The following TMEM131 variants were observed in gnomAD, a reference collection of about 807,000 sequenced individuals.
The protein encoded by TMEM131 is transmembrane protein 131.
TMEM131 carries 66 observed loss-of-function variants against 211.6 expected under a neutral mutation model. The ratio of observed to expected loss-of-function variants is 0.31; its 90% confidence interval spans 0.26 to 0.38. The LOEUF (loss-of-function observed/expected upper bound fraction) is 0.38. Ranked by LOEUF, TMEM131 falls within the 10% of genes least tolerant of loss-of-function variation. The probability of loss-of-function intolerance (pLI) is 1.00; values close to 1 mark genes in which losing one functional copy is unlikely to be tolerated. For synonymous variants in TMEM131, 844 were observed against 841.3 expected (o/e 1.00, Z -0.06); for missense variants, 2,036 against 2,299.3 (o/e 0.89, Z 2.34).
chr2:97,803,639 T>A (rs551153751), intron 22 of TMEM131, among the ~76,000 whole-genome samples: 1 of 152,316 alleles, frequency 6.6e-6, no homozygotes, highest in Admixed American at 6.5e-5. Flanking sequence ...AAATCCTCTG[T>A]AACACACACA....
intron 2 of TMEM131, among the ~76,000 whole-genome samples, chr2:97,922,915 T>A (rs1479356978): frequency 6.6e-6 from 1 of 152,086 alleles, no homozygotes; most frequent in African/African-American, 2.4e-5. Flanking sequence ...AGAAAAAAAA[T>A]AAATGAATCA....
chr2:97,870,624 T>C (rs999696362), intron 4 of TMEM131, among the ~76,000 whole-genome samples: 1 of 152,184 alleles, frequency 6.6e-6, no homozygotes, highest in African/African-American at 2.4e-5. Flanking sequence ...AACTGCAATT[T>C]TGTGGTCAAG....
intron 1 of TMEM131, among the ~76,000 whole-genome samples, chr2:97,941,219 G>A (rs554035078): frequency 1.3e-5 from 2 of 152,134 alleles, no homozygotes; most frequent in Non-Finnish European, 2.9e-5. Context: ...AACAAGAAAT[G>A]GGGAAAGGAT....
At chr2:97,868,103 A>G (rs1429846854) in intron 4 of TMEM131, among the ~76,000 whole-genome samples, 4 of 152,202 alleles carry the variant, frequency 2.6e-5, no homozygotes, top group African/African-American at 9.7e-5. Context: ...TGTTAGATGC[A>G]TGCATATTTC....
intron 3 of TMEM131, among the ~76,000 whole-genome samples, chr2:97,907,500 G>A (rs533437177): frequency 6.6e-6 from 1 of 152,232 alleles, no homozygotes; most frequent in South Asian, 2.1e-4. Context: ...ATTCATAGAT[G>A]TACTTTAAAC....
At chr2:97,859,127 T>G (rs1447385190) in intron 5 of TMEM131, among the ~76,000 whole-genome samples, 177 bp downstream of exon 5, 1 of 152,232 alleles carries the variant, frequency 6.6e-6, no homozygotes, top group South Asian at 2.1e-4. Flanking sequence ...CTGTTGCATG[T>G]TGAGAAAAAC....
rs963198347 is a variant in TMEM131, at chr2:97,932,175, G to A, written c.188-4688C>T. Reference sequence around the variant, plus strand: ...AAAAAAAAAAGACACTGCTATTTTAGAATTCAACATTGTTAAATACATCAA... The same window carrying A: ...AAAAAAAAAAGACACTGCTATTTTAAAATTCAACATTGTTAAATACATCAA... On this transcript the variant is annotated intron_variant, in intron 1 of 40. Coordinates refer to ENST00000186436, the MANE Select transcript of TMEM131 (RefSeq NM_015348.2). Among the ~76,000 whole-genome samples, 8 of 148,130 alleles carry A rather than the reference G, an allele frequency of 5.4e-5. 1 individual carries two copies. Among genetic ancestry groups the A allele is most frequent in the Admixed American group, 2.0e-4 (3 of 14,880 alleles).
chr2:97,775,118 C>T (rs540868106), intron 32 of TMEM131, among the ~76,000 whole-genome samples: 4 of 152,116 alleles, frequency 2.6e-5, no homozygotes, highest in African/African-American at 9.7e-5. Context: ...AAAATAAAAG[C>T]GCCAGAGTGG....
chr2:97,759,162 C>T, intron 39 of TMEM131, 109 bp from the exon 40 acceptor site: 1 of 1,386,578 alleles, frequency 7.2e-7, no homozygotes, highest in South Asian at 1.3e-5. Context: ...CCTGGAGCCA[C>T]CACACCCACT....
chr2:97,826,663 A>G (rs1332767434), intron 11 of TMEM131, among the ~76,000 whole-genome samples: 1 of 152,170 alleles, frequency 6.6e-6, no homozygotes. Flanking sequence ...AGGAAGTCAG[A>G]AAGAGAAAAA....
chr2:97,954,262 G>GC (rs1429881880), intron 1 of TMEM131, among the ~76,000 whole-genome samples: 1 of 151,932 alleles, frequency 6.6e-6, no homozygotes, highest in African/African-American at 2.4e-5. Flanking sequence ...AACTGAAAAG[G>GC]CTCTAGCAAG....
intron 1 of TMEM131, among the ~76,000 whole-genome samples, chr2:97,950,564 T>C (rs961883694): frequency 6.6e-6 from 1 of 152,200 alleles, no homozygotes; most frequent in Non-Finnish European, 1.5e-5. Flanking sequence ...GGACAGGGTC[T>C]CTTTACCGGA....
chr2:97,820,741 C>T (rs904799471), intron 11 of TMEM131, among the ~76,000 whole-genome samples: 4 of 151,952 alleles, frequency 2.6e-5, no homozygotes, highest in Non-Finnish European at 4.4e-5. Flanking sequence ...TCTATAATCC[C>T]AGCTACTCGG....
At chr2:97,865,487 T>C (rs139669855) in intron 4 of TMEM131, among the ~76,000 whole-genome samples, 319 of 152,356 alleles carry the variant, frequency 2.1e-3, no homozygotes, top group African/African-American at 7.5e-3. Flanking sequence ...ATTATTATCA[T>C]GAAAGGATGT....
intron 1 of TMEM131, among the ~76,000 whole-genome samples, chr2:97,977,813 C>T (rs1377193804): frequency 3.9e-5 from 6 of 152,038 alleles, no homozygotes; most frequent in African/African-American, 9.7e-5. Context: ...ATGGGCCAGG[C>T]GTGGTGGCTC....
intron 3 of TMEM131, among the ~76,000 whole-genome samples, chr2:97,890,910 T>C (rs751198826): frequency 2.0e-5 from 3 of 152,332 alleles, no homozygotes; most frequent in Middle Eastern, 3.4e-3. Context: ...CAGAATGATA[T>C]AGAAGAAACA....
intron 19 of TMEM131, 36 bp downstream of exon 19, chr2:97,809,652 C>A: frequency 6.6e-7 from 1 of 1,509,106 alleles, no homozygotes; most frequent in Non-Finnish European, 9.1e-7. Flanking sequence ...AGGCAAAAAA[C>A]GAGCAATAGA....
chr2:97,874,035 C>T (rs1324858236), intron 4 of TMEM131, among the ~76,000 whole-genome samples: 1 of 151,970 alleles, frequency 6.6e-6, no homozygotes, highest in South Asian at 2.1e-4. Context: ...ATAAATGACC[C>T]GATGGAGCTG....
intron 11 of TMEM131, among the ~76,000 whole-genome samples, chr2:97,826,654 G>A (rs1429823865): frequency 6.6e-6 from 1 of 151,312 alleles, no homozygotes; most frequent in African/African-American, 2.4e-5. Flanking sequence ...GAGACAAAGA[G>A]GAAGTCAGAA....
Sources: gnomAD v4.1 joint callset for allele counts (sites outside exome capture counted in the v4.1 genomes callset) on GRCh38, gnomAD v4.1.1 for gene constraint, MANE v1.5 for transcripts, NCBI Gene and HGNC (gene_info 2026-07-23, HGNC 2026-07-21) for gene names.